Variants in TMTC3 observed in about 807,000 individuals in gnomAD.
The protein encoded by TMTC3 is protein O-mannosyl-transferase TMTC3.
Under a neutral mutation model 92.2 loss-of-function variants are expected in TMTC3, and 52 were observed. That is an observed-to-expected ratio of 0.56 (90% CI 0.45 to 0.71). The LOEUF (loss-of-function observed/expected upper bound fraction) is 0.71, where lower values mean the gene tolerates loss of function less well. Ranked by LOEUF, TMTC3 falls within the 30% of genes least tolerant of loss-of-function variation. The pLI is 0.00. For missense variants in TMTC3, 896 were observed against 1,057.1 expected, an observed-to-expected ratio of 0.85 and a Z score of 2.11; for synonymous variants, 339 against 363.3, an observed-to-expected ratio of 0.93 and a Z score of 0.76.
At chr12:88,155,966 C>T (rs564856515) in intron 4 of TMTC3, among the ~76,000 whole-genome samples, 2 of 151,950 alleles carry the variant, frequency 1.3e-5, no homozygotes, top group Non-Finnish European at 2.9e-5. Context: ...AAAAATTAGC[C>T]AGGCGTAGTG....
At position 88,194,861 on chromosome 12, in the gene TMTC3, G is replaced by A; in HGVS notation, c.1957G>A (p.Ala653Thr). The A allele has an allele frequency of 6.3e-7, 1 of 1,599,098 alleles. No individual in the cohort carries two copies. The highest frequency in any genetic ancestry group is 8.5e-7 in the Non-Finnish European group (1 of 1,174,168). ...ESGEVKLRPE[A>T]RKRLLSYINE... ...AGGTGAGGTTAAACTCAGACCTGAA[G>A]CTAGAAAACGACTTCTAAGTTATAT... The change falls in exon 14 of 14, where the codon GCT becomes ACT. Residue 653 changes from alanine (A) to threonine (T), a missense_variant. Transcript: ENST00000266712.
At position 88,172,576 on chromosome 12, in the gene TMTC3, ATCT is replaced by A. The variant is rs761344992; in HGVS notation, c.1051-16_1051-14del. On this transcript the variant is annotated intron_variant, in intron 7 of 13. Coordinates refer to ENST00000266712, the MANE Select transcript of TMTC3 (RefSeq NM_181783.4). ...TTTTAAATTTATTATAAATTATTAAATCTTCTTTTTTTTTTTGTAGGCGCTTTG... is the reference window on the plus strand; with the variant it reads ...TTTTAAATTTATTATAAATTATTAAATCTTTTTTTTTTTGTAGGCGCTTTG... 3.5e-5 allele frequency: 45 copies of A among 1,286,882 alleles called. No individual in the cohort carries two copies. The East Asian group carries it at 6.7e-4, about 19-fold the overall frequency. 79.7% of individuals were successfully genotyped at this position (1,286,882 alleles called of 1,614,324 possible). A position where few individuals can be genotyped will look rare whatever the true frequency, so the allele number is the denominator to read the frequency against.
chr12:88,197,259 ATTTTTTTTTT>A lies in TMTC3; in HGVS notation c.*1626_*1635del, dbSNP rs60468231. On this transcript the variant is annotated 3_prime_UTR_variant, in exon 14 of 14. Coordinates refer to ENST00000266712, the MANE Select transcript of TMTC3 (RefSeq NM_181783.4). ...TAGGTTCCCTAAGGATCTGCCATAG[ATTTTTTTTTT>A]TTTTTTTTTTTTTTTAGGTAGTTTA... 1 of 110,576 alleles carries A rather than the reference ATTTTTTTTTT, an allele frequency of 9.0e-6. No individual in the cohort carries two copies. The highest frequency in any genetic ancestry group is 3.7e-5 in the African/African-American group (1 of 26,886). The allele number at this position is 110,576 out of a possible 1,614,324, so 6.8% of individuals were successfully genotyped here.
At chr12:88,167,180 A>G (rs112772623) in intron 7 of TMTC3, among the ~76,000 whole-genome samples, 186 of 152,172 alleles carry the variant, frequency 1.2e-3, no homozygotes, top group African/African-American at 4.2e-3. Flanking sequence ...GGATCATTTG[A>G]GGCCAGGAGT....
rs749106382 is a variant in TMTC3 at position 88,153,351 on chromosome 12, T to C, written c.250T>C (p.Leu84=). The change falls in exon 3 of 14, where the codon TTA becomes CTA. Residue 84 remains leucine (L), a synonymous_variant. Transcript: ENST00000266712. ...ATTGACATTTCGCTTAAATTATTTG[T>C]TAAGTGAACTAAAACCAATGTCATA... ...TVLTFRLNYL[L]SELKPMSYHL... 8.7e-6 allele frequency: 14 copies of C among 1,613,552 alleles called. No homozygotes were observed. Among genetic ancestry groups the C allele is most frequent in the Non-Finnish European group, 1.2e-5 (14 of 1,179,768 alleles).
intron 6 of TMTC3, among the ~76,000 whole-genome samples, chr12:88,164,147 G>T (rs1179482750): frequency 6.9e-6 from 1 of 144,706 alleles, no homozygotes; most frequent in Non-Finnish European, 1.5e-5. Flanking sequence ...CCAAGACTGT[G>T]CCATGGCATT....
intron 10 of TMTC3, among the ~76,000 whole-genome samples, chr12:88,177,613 A>T (rs2041274055): frequency 6.6e-6 from 1 of 152,170 alleles, no homozygotes; most frequent in African/African-American, 2.4e-5. Flanking sequence ...ATTTTTCGAC[A>T]GGAGTGCTAT....
intron 10 of TMTC3, among the ~76,000 whole-genome samples, chr12:88,183,452 C>G (rs1322606604): frequency 6.6e-6 from 1 of 152,166 alleles, no homozygotes; most frequent in Non-Finnish European, 1.5e-5. Context: ...GGTCCCATAG[C>G]TATAGTGTAT....
chr12:88,143,450 A>G (rs2040810216), intron 1 of TMTC3, among the ~76,000 whole-genome samples: 2 of 152,098 alleles, frequency 1.3e-5, no homozygotes, highest in African/African-American at 2.4e-5. Flanking sequence ...CATTGTCCTC[A>G]TTTTCCATCT....
chr12:88,146,611 G>GTGTGTGTGTA (rs755721380), intron 1 of TMTC3, among the ~76,000 whole-genome samples: 6 of 147,880 alleles, frequency 4.1e-5, no homozygotes, highest in African/African-American at 1.5e-4. Context: ...GTGTGTGTGT[G>GTGTGTGTGTA]TATATATATA....
At position 88,195,100 on chromosome 12, in the gene TMTC3, C is replaced by T; in HGVS notation, c.2196C>T (p.Tyr732=). Reference sequence around the variant, plus strand: ...TTTTGGAGGAGTTACTCAGATACTACCCTGATCATATCAAGGGCCTCATTT... The same window carrying T: ...TTTTGGAGGAGTTACTCAGATACTATCCTGATCATATCAAGGGCCTCATTT... ...LPILEELLRY[Y]PDHIKGLILK... is the part of the protein sequence containing the mutation. The change falls in exon 14 of 14, where the codon TAC becomes TAT. Residue 732 remains tyrosine (Y), a synonymous_variant. Transcript: ENST00000266712. 5 of 1,613,846 alleles carry T rather than the reference C, an allele frequency of 3.1e-6. No individual in the cohort carries two copies. The highest frequency in any genetic ancestry group is 4.2e-6 in the Non-Finnish European group (5 of 1,179,910).
chr12:88,195,693 G>A lies in TMTC3; in HGVS notation c.*44G>A, dbSNP rs369763674. The A allele has an allele frequency of 2.6e-5, 38 of 1,485,242 alleles. No homozygotes were observed. The highest frequency in any genetic ancestry group is 2.9e-5 in the Non-Finnish European group (32 of 1,106,972). The allele number at this position is 1,485,242 out of a possible 1,614,324, so 92.0% of individuals were successfully genotyped here. On this transcript the variant is annotated 3_prime_UTR_variant, in exon 14 of 14. Transcript: ENST00000266712. ...CAATGGTATCAAAGAACATCAATCC[G>A]TATCATGTGATTGCTTTTACTGGGA...
Position 88,154,370 on chromosome 12 carries a change from G to T in TMTC3, c.491G>T (p.Gly164Val). The part of the protein sequence containing the change: ...AAFLSYTRSK[G>V]PDNSIIWTPI... ...TTTTTGTCATATACCAGATCAAAAG[G>T]ACCAGACAATTCCATAAGTACATGT... The change falls in exon 4 of 14, where the codon GGA becomes GTA. Residue 164 changes from glycine (G) to valine (V), a missense_variant. By Grantham distance (109) the Gly-to-Val change is moderately radical. Transcript: ENST00000266712. 6.2e-7 allele frequency: 1 copy of T among 1,600,346 alleles called. No homozygotes were observed. The highest frequency in any genetic ancestry group is 1.1e-5 in the South Asian group (1 of 87,526).
Position 88,196,285 on chromosome 12 carries a change from G to T in TMTC3, c.*636G>T, listed in dbSNP as rs1487980839. The T allele has an allele frequency of 6.6e-6, 1 of 152,408 alleles. No homozygotes were observed. The allele number at this position is 152,408 out of a possible 1,614,324, so 9.4% of individuals were successfully genotyped here. ...TAAATGTAATTTTTAATCAGGTAAA[G>T]TTTGACACATGTATAGCTACATACA... On this transcript the variant is annotated 3_prime_UTR_variant, in exon 14 of 14. Transcript: ENST00000266712.
At chr12:88,145,548 G>T (rs531293691) in intron 1 of TMTC3, among the ~76,000 whole-genome samples, 1 of 152,278 alleles carries the variant, frequency 6.6e-6, no homozygotes, top group East Asian at 1.9e-4. Context: ...AATAAACACT[G>T]AATCACAGAA....
chr12:88,192,340 T>C (rs2138443708), intron 12 of TMTC3, among the ~76,000 whole-genome samples: 1 of 152,322 alleles, frequency 6.6e-6, no homozygotes, highest in Non-Finnish European at 1.5e-5. Context: ...CCTGGATTCC[T>C]CCTGATAGGT....
intron 4 of TMTC3, among the ~76,000 whole-genome samples, 188 bp from the exon 5 acceptor site, chr12:88,159,926 C>T (rs2041056061): frequency 6.6e-6 from 1 of 151,910 alleles, no homozygotes; most frequent in Non-Finnish European, 1.5e-5. Context: ...TCAAATTATA[C>T]ATGTTGATAT....
chr12:88,144,547 A>G (rs1467497800), intron 1 of TMTC3, among the ~76,000 whole-genome samples: 1 of 152,028 alleles, frequency 6.6e-6, no homozygotes, highest in Non-Finnish European at 1.5e-5. Flanking sequence ...TCTAATGGTA[A>G]ATTTTATTCT....
chr12:88,198,835 C>T lies in TMTC3; in HGVS notation c.*3186C>T, dbSNP rs1293283712. On this transcript the variant is annotated 3_prime_UTR_variant, in exon 14 of 14. Transcript: ENST00000266712. ...TTTTAGAAACCTCCTAATTGGATAA[C>T]TAGATGGTATTTAAAATGAATGCCC... 4.5e-5 allele frequency: 7 copies of T among 153,880 alleles called. No homozygotes were observed. The Admixed American group carries it at 4.6e-4, about 10-fold the overall frequency. The allele number at this position is 153,880 out of a possible 1,614,324, so 9.5% of individuals were successfully genotyped here. A position where few individuals can be genotyped will look rare whatever the true frequency, so the allele number is the denominator to read the frequency against.
Sources: allele counts gnomAD v4.1 joint callset (sites outside exome capture counted in the v4.1 genomes callset), GRCh38; gene constraint gnomAD v4.1.1; transcripts MANE v1.5; gene names NCBI Gene and HGNC (gene_info 2026-07-23, HGNC 2026-07-21).